Variants in ARHGAP6 observed in about 807,000 individuals in gnomAD.
ARHGAP6 encodes Rho GTPase activating protein 6.
Under a neutral mutation model 55.7 loss-of-function variants are expected in ARHGAP6, and 16 were observed. The observed-to-expected ratio is 0.29, with a 90% CI of 0.19 to 0.44. ARHGAP6 has a LOEUF of 0.44. Ranked by LOEUF, ARHGAP6 falls within the 20% of genes least tolerant of loss-of-function variation. The pLI, the probability that ARHGAP6 is intolerant of heterozygous loss-of-function variation, is 1.00. For synonymous variants in ARHGAP6, 382 were observed against 360.9 expected, an observed-to-expected ratio of 1.06 and a Z score of -0.66; for missense variants, 698 against 808.9, an observed-to-expected ratio of 0.86 and a Z score of 1.66.
chrX:11,243,218 C>T (rs2047307831), intron 2 of ARHGAP6, among the ~76,000 whole-genome samples: 1 of 111,571 alleles, frequency 9.0e-6, no homozygotes. Context: ...CTAAATCCAT[C>T]TCTATCCTGC....
chrX:11,371,666 A>T (rs2049145291), intron 1 of ARHGAP6, among the ~76,000 whole-genome samples: 1 of 112,633 alleles, frequency 8.9e-6, no homozygotes, highest in Non-Finnish European at 1.9e-5. Flanking sequence ...AATTAATCAA[A>T]TATTATTTAT....
At chrX:11,592,885 C>A (rs866314783) in intron 1 of ARHGAP6, among the ~76,000 whole-genome samples, 1 of 111,376 alleles carries the variant, frequency 9.0e-6, no homozygotes, top group Middle Eastern at 4.7e-3. Flanking sequence ...AAATTTCTGG[C>A]CAGAAGATGA....
At chrX:11,152,479 C>T (rs1569232208) in intron 10 of ARHGAP6, among the ~76,000 whole-genome samples, 1 of 111,881 alleles carries the variant, frequency 8.9e-6, no homozygotes, top group East Asian at 2.8e-4. Flanking sequence ...CTTCTACCTT[C>T]ACTGCTGGCC....
intron 1 of ARHGAP6, among the ~76,000 whole-genome samples, chrX:11,370,893 AAACAACAAC>A (rs751345129): frequency 1.4e-4 from 15 of 110,108 alleles, no homozygotes; most frequent in Admixed American, 2.9e-4. Flanking sequence ...GTATGCTTAC[AAACAACAAC>A]AACAACAACA....
intron 1 of ARHGAP6, among the ~76,000 whole-genome samples, chrX:11,362,297 C>T (rs1416297135): frequency 1.8e-5 from 2 of 111,503 alleles, no homozygotes; most frequent in South Asian, 7.6e-4. Context: ...AAATGTGGCA[C>T]ATATACACCA....
chrX:11,400,329 G>A (rs2049532269), intron 1 of ARHGAP6, among the ~76,000 whole-genome samples: 2 of 110,714 alleles, frequency 1.8e-5, no homozygotes, highest in African/African-American at 6.6e-5. Flanking sequence ...CTTCCAGGGG[G>A]AGGGGATAAT....
At chrX:11,296,227 G>C (rs1168554385) in intron 1 of ARHGAP6, among the ~76,000 whole-genome samples, 1 of 112,024 alleles carries the variant, frequency 8.9e-6, no homozygotes, top group African/African-American at 3.2e-5. Context: ...TGGAAGTGTT[G>C]TTTACTTTGC....
chrX:11,301,898 C>T (rs904999453), intron 1 of ARHGAP6, among the ~76,000 whole-genome samples: 2 of 112,129 alleles, frequency 1.8e-5, no homozygotes, highest in Admixed American at 9.4e-5. Flanking sequence ...ATATCCTTGG[C>T]TAGCTGTCCA....
At chrX:11,504,871 G>C (rs189171133) in intron 1 of ARHGAP6, among the ~76,000 whole-genome samples, 58 of 112,394 alleles carry the variant, frequency 5.2e-4, no homozygotes, top group African/African-American at 1.8e-3. Flanking sequence ...AAGTTTTAAT[G>C]GGAAGAGTAA....
intron 9 of ARHGAP6, among the ~76,000 whole-genome samples, chrX:11,167,732 T>TA (rs991090046): frequency 2.7e-5 from 3 of 111,847 alleles, no homozygotes; most frequent in African/African-American, 6.5e-5. Flanking sequence ...ATTATTTTGT[T>TA]AAAAAAATCC....
intron 1 of ARHGAP6, among the ~76,000 whole-genome samples, chrX:11,568,619 T>C (rs1009667830): frequency 3.6e-5 from 4 of 110,613 alleles, no homozygotes; most frequent in African/African-American, 1.3e-4. Context: ...TAGCTGGCTA[T>C]GATGGCGGGC....
intron 1 of ARHGAP6, among the ~76,000 whole-genome samples, chrX:11,588,422 T>G (rs1393070836): frequency 8.9e-6 from 1 of 111,818 alleles, no homozygotes; most frequent in Non-Finnish European, 1.9e-5. Context: ...CCTAGGTATA[T>G]ACCCAAGATA....
chrX:11,159,232 T>C lies in ARHGAP6; in HGVS notation c.1810-2606A>G, dbSNP rs182411680. Among the ~76,000 whole-genome samples, 84 of 111,394 alleles carry C rather than the reference T, an allele frequency of 7.5e-4. 1 individual carries two copies. The highest frequency in any genetic ancestry group is 3.6e-4 in the Non-Finnish European group (19 of 53,036). The stretch of plus-strand genomic sequence containing the variant: ...AGTCTTATGGGTCATAATAAGGACT[T>C]CTGCACTTACTTGCAGTGGGTGGGG... On this transcript the variant is annotated intron_variant, in intron 9 of 12. Transcript: ENST00000337414.
At chrX:11,608,357 T>C (rs946256975) in intron 1 of ARHGAP6, among the ~76,000 whole-genome samples, 3 of 112,109 alleles carry the variant, frequency 2.7e-5, no homozygotes, top group East Asian at 2.8e-4. Context: ...ATGGTTATGG[T>C]ACATTGCACA....
intron 1 of ARHGAP6, among the ~76,000 whole-genome samples, chrX:11,466,133 G>C (rs1383241091): frequency 1.8e-5 from 2 of 111,723 alleles, no homozygotes; most frequent in Non-Finnish European, 3.8e-5. Flanking sequence ...CCTCTTGAAT[G>C]TCAATGATCA....
intron 1 of ARHGAP6, among the ~76,000 whole-genome samples, chrX:11,330,099 A>C (rs762762224): frequency 1.2e-4 from 14 of 113,168 alleles, no homozygotes; most frequent in African/African-American, 4.2e-4. Flanking sequence ...CACTGACTAC[A>C]TCCCAGCTAC....
At chrX:11,494,120 A>G (rs2050599346) in intron 1 of ARHGAP6, among the ~76,000 whole-genome samples, 1 of 111,427 alleles carries the variant, frequency 9.0e-6, no homozygotes, top group African/African-American at 3.3e-5. Context: ...CCTGGTATCT[A>G]CCCACTAGAC....
chrX:11,324,336 G>C (rs1050805200), intron 1 of ARHGAP6, among the ~76,000 whole-genome samples: 3 of 112,218 alleles, frequency 2.7e-5, no homozygotes, highest in African/African-American at 9.7e-5. Context: ...AAAGGTCATG[G>C]CAACAGCGTT....
intron 1 of ARHGAP6, among the ~76,000 whole-genome samples, chrX:11,381,939 G>T (rs1313167161): frequency 2.7e-5 from 3 of 111,745 alleles, no homozygotes; most frequent in African/African-American, 9.8e-5. Context: ...TTTAAGATGA[G>T]GCATTAGGAA....
Sources: allele counts gnomAD v4.1 joint callset (sites outside exome capture counted in the v4.1 genomes callset), GRCh38; gene constraint gnomAD v4.1.1; transcripts MANE v1.5; gene names NCBI Gene and HGNC (gene_info 2026-07-23, HGNC 2026-07-21).